The following GXYLT1 variants were observed in gnomAD, a reference collection of about 807,000 sequenced individuals.
GXYLT1 encodes glycosyltransferase 8 domain containing 3.
A neutral mutation model predicts 54.0 loss-of-function variants in GXYLT1; 29 were observed. The ratio of observed to expected loss-of-function variants is 0.54; its 90% confidence interval spans 0.40 to 0.73. GXYLT1 has a LOEUF of 0.73. GXYLT1 is among the 30% of genes least tolerant of loss of function. GXYLT1 has a pLI of 0.00. For synonymous variants in GXYLT1, 176 were observed against 204.1 expected (o/e 0.86, Z 1.17); for missense variants, 490 against 553.4 (o/e 0.89, Z 1.15).
Position 42,082,291 on chromosome 12 carries a change from G to A in GXYLT1, c.*5495C>T, listed in dbSNP as rs2065258642. On this transcript the variant is annotated 3_prime_UTR_variant, in exon 8 of 8. Transcript: ENST00000398675. ...TTACGGCAACCATCAAAAACCATTGGTTCAGCTCTCAAATACTGATGACAA... is the reference window on the plus strand; with the variant it reads ...TTACGGCAACCATCAAAAACCATTGATTCAGCTCTCAAATACTGATGACAA... 6.6e-6 allele frequency: 1 copy of A among 152,134 alleles called. No individual in the cohort carries two copies. The highest frequency in any genetic ancestry group is 6.5e-5 in the Admixed American group (1 of 15,268). 9.4% of individuals were successfully genotyped at this position (152,134 alleles called of 1,614,324 possible). A position where few individuals can be genotyped will look rare whatever the true frequency, so the allele number is the denominator to read the frequency against.
chr12:42,089,063 CA>C (rs1565564044), intron 7 of GXYLT1, among the ~76,000 whole-genome samples: 1 of 151,764 alleles, frequency 6.6e-6, no homozygotes, highest in African/African-American at 2.4e-5. Context: ...TGCATAAAAC[CA>C]TCACCCTTGG....
At chr12:42,094,507 A>C (rs1203274631) in intron 7 of GXYLT1, among the ~76,000 whole-genome samples, 1 of 151,824 alleles carries the variant, frequency 6.6e-6, no homozygotes, top group African/African-American at 2.4e-5. Flanking sequence ...AAAAATACAT[A>C]TGTTAGCTGA....
rs2065365015 is a variant in GXYLT1 at position 42,097,832 on chromosome 12, A to G, written c.988+78T>C. The stretch of plus-strand genomic sequence containing the variant: ...AATCATTAATATAAGACAGAATCAG[A>G]TAAGTGCATGTTTTCCTTTTTCACT... On this transcript the variant is annotated intron_variant, in intron 6 of 7. Coordinates refer to ENST00000398675, the MANE Select transcript of GXYLT1 (RefSeq NM_173601.2). 1.9e-5 allele frequency: 22 copies of G among 1,139,040 alleles called. No homozygotes were observed. The East Asian group carries it at 3.6e-4, about 19-fold the overall frequency. The allele number at this position is 1,139,040 out of a possible 1,614,324, so 70.6% of individuals were successfully genotyped here. A position where few individuals can be genotyped will look rare whatever the true frequency, so the allele number is the denominator to read the frequency against.
intron 5 of GXYLT1, among the ~76,000 whole-genome samples, chr12:42,105,528 A>T (rs890886625): frequency 3.3e-5 from 5 of 152,140 alleles, no homozygotes; most frequent in African/African-American, 1.2e-4. Flanking sequence ...ACAAAATAAC[A>T]TCTGCTTCCT....
chr12:42,082,191 T>C lies in GXYLT1; in HGVS notation c.*5595A>G, dbSNP rs1473636141. The C allele has an allele frequency of 1.3e-5, 2 of 152,152 alleles. No homozygotes were observed. Among genetic ancestry groups the C allele is most frequent in the Non-Finnish European group, 2.9e-5 (2 of 68,030 alleles). 9.4% of individuals were successfully genotyped at this position (152,152 alleles called of 1,614,324 possible). A position where few individuals can be genotyped will look rare whatever the true frequency, so the allele number is the denominator to read the frequency against. On this transcript the variant is annotated 3_prime_UTR_variant, in exon 8 of 8. Transcript: ENST00000398675. The stretch of plus-strand genomic sequence containing the variant: ...CATTTATGCAAAATGATTGAGAAAA[T>C]TGAAATACCTGCAACCTTTTCCAGT...
intron 2 of GXYLT1, among the ~76,000 whole-genome samples, chr12:42,123,147 A>G (rs1056659367): frequency 1.3e-5 from 2 of 152,228 alleles, no homozygotes; most frequent in Non-Finnish European, 2.9e-5. Flanking sequence ...GTTGAATGCA[A>G]TGTATGGTCC....
At chr12:42,113,040 A>G (rs2065468818) in intron 3 of GXYLT1, among the ~76,000 whole-genome samples, 2 of 151,164 alleles carry the variant, frequency 1.3e-5, no homozygotes, top group Admixed American at 1.3e-4. Flanking sequence ...TAAGCTTCAT[A>G]ACTGAAGGAG....
chr12:42,117,550 AT>A (rs1418271228), intron 3 of GXYLT1, among the ~76,000 whole-genome samples: 2 of 152,130 alleles, frequency 1.3e-5, no homozygotes, highest in African/African-American at 4.8e-5. Flanking sequence ...CATCAAATAT[AT>A]TTTTTACATA....
chr12:42,121,917 C>A (rs1026704671), intron 2 of GXYLT1, among the ~76,000 whole-genome samples: 1 of 152,030 alleles, frequency 6.6e-6, no homozygotes, highest in Non-Finnish European at 1.5e-5. Context: ...ACCCAAAAGA[C>A]AGGAAAATCA....
At chr12:42,115,723 T>G (rs906971698) in intron 3 of GXYLT1, among the ~76,000 whole-genome samples, 53 of 151,914 alleles carry the variant, frequency 3.5e-4, no homozygotes, top group African/African-American at 1.2e-3. Flanking sequence ...ATTTATAGAT[T>G]CAATGCCATC....
At chr12:42,133,816 A>G (rs1292692270) in intron 1 of GXYLT1, among the ~76,000 whole-genome samples, 1 of 152,204 alleles carries the variant, frequency 6.6e-6, no homozygotes, top group Non-Finnish European at 1.5e-5. Flanking sequence ...CATTTCAGAT[A>G]CTGCAAGGTG....
chr12:42,128,932 TC>T (rs2065578847), intron 2 of GXYLT1, among the ~76,000 whole-genome samples: 2 of 152,040 alleles, frequency 1.3e-5, no homozygotes, highest in Admixed American at 6.6e-5. Context: ...CGCCTCAGCC[TC>T]CCAAAATGCT....
rs568768790 is a variant in GXYLT1 at position 42,117,291 on chromosome 12, TA to T, written c.486+1708del. Among the ~76,000 whole-genome samples, 1,139 of 150,850 alleles carry T rather than the reference TA, an allele frequency of 7.6e-3. 16 individuals carry two copies. The highest frequency in any genetic ancestry group is 0.026 in the African/African-American group (1,067 of 41,186). ...CTTAAAGTATAATAATAATAAAATT[TA>T]AAAAAAAATCCAGGTAAAGAGATCA... is the stretch of plus-strand genomic sequence containing the variant. On this transcript the variant is annotated intron_variant, in intron 3 of 7. Transcript: ENST00000398675.
At chr12:42,088,210 A>T (rs1474196159) in intron 7 of GXYLT1, among the ~76,000 whole-genome samples, 1 of 152,166 alleles carries the variant, frequency 6.6e-6, no homozygotes, top group East Asian at 1.9e-4. Context: ...ACTGGTTAAG[A>T]AGACAACCAA....
At chr12:42,098,329 C>T (rs1016448154) in intron 5 of GXYLT1, among the ~76,000 whole-genome samples, 3 of 152,146 alleles carry the variant, frequency 2.0e-5, no homozygotes, top group African/African-American at 7.2e-5. Context: ...TACGTCTGGG[C>T]CTACGTCAGA....
At chr12:42,108,975 TG>T (rs1162987469) in intron 4 of GXYLT1, among the ~76,000 whole-genome samples, 4 of 152,120 alleles carry the variant, frequency 2.6e-5, no homozygotes, top group Non-Finnish European at 5.9e-5. Flanking sequence ...GAGGTAACCT[TG>T]CTTCAGAACA....
intron 5 of GXYLT1, among the ~76,000 whole-genome samples, chr12:42,099,600 C>T (rs572069876): frequency 1.3e-5 from 2 of 152,200 alleles, no homozygotes; most frequent in South Asian, 4.1e-4. Context: ...CGCCTGTAAT[C>T]CCGGCACTTT....
intron 7 of GXYLT1, among the ~76,000 whole-genome samples, chr12:42,088,891 C>T (rs1470539208): frequency 1.3e-5 from 2 of 151,540 alleles, no homozygotes; most frequent in African/African-American, 4.8e-5. Flanking sequence ...ATGAAAGAAC[C>T]ACCCCAAGCA....
intron 1 of GXYLT1, among the ~76,000 whole-genome samples, chr12:42,134,192 C>A (rs969982738): frequency 6.6e-5 from 10 of 151,870 alleles, no homozygotes; most frequent in African/African-American, 2.4e-4. Context: ...CAGAGTGAGA[C>A]CCTCTCTGAC....
Sources: gnomAD v4.1 joint callset for allele counts (sites outside exome capture counted in the v4.1 genomes callset) on GRCh38, gnomAD v4.1.1 for gene constraint, MANE v1.5 for transcripts, NCBI Gene and HGNC (gene_info 2026-07-23, HGNC 2026-07-21) for gene names.